FRY: variants seen among roughly 807,000 people sequenced by gnomAD.
FRY encodes the protein protein furry homolog.
FRY carries 128 observed loss-of-function variants against 348.4 expected under a neutral mutation model. The observed-to-expected ratio is 0.37, with a 90% CI of 0.32 to 0.43. The LOEUF is 0.43. FRY is among the 20% of genes least tolerant of loss of function. The probability of loss-of-function intolerance (pLI) is 1.00; values close to 1 mark genes in which losing one functional copy is unlikely to be tolerated. For synonymous variants in FRY, 1,370 were observed against 1,374.7 expected (o/e 1.00, Z 0.08); for missense variants, 2,736 against 3,695.2 (o/e 0.74, Z 6.73).
chr13:32,217,447 G>A (rs1464373688), intron 35 of FRY, among the ~76,000 whole-genome samples: 2 of 152,072 alleles, frequency 1.3e-5, no homozygotes, highest in Admixed American at 6.6e-5. Context: ...CTTATAGTCC[G>A]ACAGTGTCTT....
At chr13:32,108,445 C>T (rs1005338245) in intron 3 of FRY, among the ~76,000 whole-genome samples, 1 of 152,102 alleles carries the variant, frequency 6.6e-6, no homozygotes. Context: ...AGAAATTGAT[C>T]AATTTAGTTG....
At chr13:32,054,861 C>T (rs899996668) in intron 1 of FRY, among the ~76,000 whole-genome samples, 4 of 151,800 alleles carry the variant, frequency 2.6e-5, no homozygotes, top group Non-Finnish European at 5.9e-5. Context: ...GGCGACGGAG[C>T]GAGACTCCGT....
intron 39 of FRY, among the ~76,000 whole-genome samples, chr13:32,228,061 T>G (rs990982434): frequency 2.0e-5 from 3 of 152,196 alleles, no homozygotes; most frequent in Non-Finnish European, 4.4e-5. Context: ...GTTTCACATG[T>G]TTAAGAAGAC....
chr13:32,230,609 C>T (rs1415981389), intron 40 of FRY, among the ~76,000 whole-genome samples: 1 of 152,160 alleles, frequency 6.6e-6, no homozygotes, highest in African/African-American at 2.4e-5. Flanking sequence ...AATAGTGTTA[C>T]AGTGAACATA....
intron 58 of FRY, among the ~76,000 whole-genome samples, chr13:32,280,679 A>G (rs529311946): frequency 1.3e-5 from 2 of 152,372 alleles, no homozygotes; most frequent in African/African-American, 4.8e-5. Flanking sequence ...CTTGTCCTCA[A>G]TCATCAAATT....
chr13:32,235,893 G>A (rs896244580), intron 42 of FRY, among the ~76,000 whole-genome samples, 185 bp from the exon 43 acceptor site: 1 of 152,148 alleles, frequency 6.6e-6, no homozygotes, highest in Non-Finnish European at 1.5e-5. Context: ...AAATAAATTT[G>A]TATGATTATC....
At chr13:32,034,461 G>A (rs1054280287) in intron 1 of FRY, among the ~76,000 whole-genome samples, 1 of 152,182 alleles carries the variant, frequency 6.6e-6, no homozygotes, top group Non-Finnish European at 1.5e-5. Context: ...TGATTTGAAT[G>A]GAGGTGGGAA....
At chr13:32,243,188 G>A (rs1045111328) in intron 46 of FRY, among the ~76,000 whole-genome samples, 1 of 152,098 alleles carries the variant, frequency 6.6e-6, no homozygotes, top group Admixed American at 6.5e-5. Context: ...AAAGACAATT[G>A]TGTATCCTTC....
intron 2 of FRY, among the ~76,000 whole-genome samples, chr13:32,094,668 G>A (rs1876569572): frequency 6.6e-6 from 1 of 152,146 alleles, no homozygotes; most frequent in African/African-American, 2.4e-5. Flanking sequence ...TTCCATCCAT[G>A]TTGTTGCAAA....
intron 31 of FRY, among the ~76,000 whole-genome samples, chr13:32,205,481 A>G (rs1884301878): frequency 1.3e-5 from 2 of 152,236 alleles, no homozygotes; most frequent in Admixed American, 6.5e-5. Context: ...ATAAACTAGC[A>G]TGATGTAATT....
At chr13:32,206,563 G>T (rs1884361657) in intron 31 of FRY, among the ~76,000 whole-genome samples, 1 of 152,152 alleles carries the variant, frequency 6.6e-6, no homozygotes. Flanking sequence ...TTAAGGATGA[G>T]CGATATTGGA....
At chr13:32,107,190 C>T (rs1215246631) in intron 3 of FRY, among the ~76,000 whole-genome samples, 4 of 152,156 alleles carry the variant, frequency 2.6e-5, no homozygotes, top group Non-Finnish European at 5.9e-5. Flanking sequence ...AACCCCATCT[C>T]TACTAAAAAT....
At chr13:32,048,557 A>G (rs548729720) in intron 1 of FRY, among the ~76,000 whole-genome samples, 1 of 152,254 alleles carries the variant, frequency 6.6e-6, no homozygotes, top group Non-Finnish European at 1.5e-5. Flanking sequence ...AAGGATTGCT[A>G]TCTGTAAAAA....
intron 1 of FRY, among the ~76,000 whole-genome samples, chr13:32,041,123 T>C (rs982702170): frequency 2.6e-5 from 4 of 152,090 alleles, no homozygotes; most frequent in African/African-American, 9.7e-5. Flanking sequence ...AAAAGACAAA[T>C]TGAAGTTTTT....
At chr13:32,270,502 C>T (rs777473214) in intron 55 of FRY, among the ~76,000 whole-genome samples, 68 of 152,204 alleles carry the variant, frequency 4.5e-4, no homozygotes, top group South Asian at 8.3e-4. Flanking sequence ...CCACGGCGCC[C>T]GACCTCTAAA....
At chr13:32,268,496 AAAAAAAAAAATATATATATATATATAT>A (rs1566182357) in intron 55 of FRY, among the ~76,000 whole-genome samples, 2 of 19,614 alleles carry the variant, frequency 1.0e-4, no homozygotes, top group African/African-American at 2.4e-4. Context: ...TAAAAAAAAA[AAAAAAAAAAATATATATATATATATAT>A]ATATATATAT....
chr13:32,125,829 A>G (rs1300771494), intron 7 of FRY, among the ~76,000 whole-genome samples: 1 of 152,168 alleles, frequency 6.6e-6, no homozygotes, highest in East Asian at 1.9e-4. Flanking sequence ...TTTTTTTAAT[A>G]TATAACACAT....
chr13:32,286,538 G>A (rs1889063441), intron 58 of FRY, among the ~76,000 whole-genome samples: 1 of 151,926 alleles, frequency 6.6e-6, no homozygotes, highest in African/African-American at 2.4e-5. Context: ...ACAAGGTCAG[G>A]AGATCAAGAC....
At chr13:32,279,948 A>G (rs772014408) in intron 58 of FRY, among the ~76,000 whole-genome samples, 1 of 152,234 alleles carries the variant, frequency 6.6e-6, no homozygotes, top group Non-Finnish European at 1.5e-5. Context: ...AGCAAACTAT[A>G]AAGCTGAGAA....
Sources: allele counts gnomAD v4.1 joint callset (sites outside exome capture counted in the v4.1 genomes callset), GRCh38; gene constraint gnomAD v4.1.1; transcripts MANE v1.5; gene names NCBI Gene and HGNC (gene_info 2026-07-23, HGNC 2026-07-21).